CHST11: variants seen among roughly 807,000 people sequenced by gnomAD.
The protein encoded by CHST11 is carbohydrate sulfotransferase 11, also known as C4S-1.
A neutral mutation model predicts 30.4 loss-of-function variants in CHST11; 9 were observed. That is an observed-to-expected ratio of 0.30 (90% confidence interval 0.18 to 0.52). The LOEUF is 0.52. Among genes scored for constraint, CHST11 ranks in the 20% least tolerant of loss-of-function variants. CHST11 has a pLI of 0.97. For synonymous variants in CHST11, 152 were observed against 187.8 expected (o/e 0.81, Z 1.56); for missense variants, 348 against 460.6 (o/e 0.76, Z 2.24).
intron 2 of CHST11, among the ~76,000 whole-genome samples, chr12:104,696,470 C>A (rs1845402): frequency 9.0e-6 from 1 of 111,082 alleles, no homozygotes; most frequent in Non-Finnish European, 1.8e-5. Context: ...AACCCCGACT[C>A]TGCTAAAAAT....
intron 1 of CHST11, among the ~76,000 whole-genome samples, chr12:104,560,804 T>C (rs2038506061): frequency 1.3e-5 from 2 of 152,196 alleles, no homozygotes; most frequent in African/African-American, 2.4e-5. Context: ...TGTGAGCTCC[T>C]TGAGTATGGG....
intron 2 of CHST11, among the ~76,000 whole-genome samples, chr12:104,744,662 T>C (rs1364633154): frequency 2.0e-5 from 3 of 152,158 alleles, no homozygotes; most frequent in Non-Finnish European, 4.4e-5. Flanking sequence ...GGTATCTTCA[T>C]CATGAAGTCT....
intron 2 of CHST11, among the ~76,000 whole-genome samples, chr12:104,698,755 T>C (rs1198920037): frequency 6.6e-6 from 1 of 152,248 alleles, no homozygotes; most frequent in Non-Finnish European, 1.5e-5. Flanking sequence ...AGAAGATAAA[T>C]TAGTATTTCA....
chr12:104,701,180 G>A (rs183433389), intron 2 of CHST11, among the ~76,000 whole-genome samples: 1 of 152,140 alleles, frequency 6.6e-6, no homozygotes, highest in African/African-American at 2.4e-5. Context: ...TGAGTAACCG[G>A]GCCAAAGTTA....
At chr12:104,734,341 C>T (rs1158924534) in intron 2 of CHST11, among the ~76,000 whole-genome samples, 2 of 152,210 alleles carry the variant, frequency 1.3e-5, no homozygotes, top group African/African-American at 2.4e-5. Context: ...CACAGGGGCA[C>T]GATCCCTCCT....
At chr12:104,608,186 C>G (rs544046229) in intron 2 of CHST11, among the ~76,000 whole-genome samples, 29 of 152,186 alleles carry the variant, frequency 1.9e-4, no homozygotes, top group Non-Finnish European at 3.1e-4. Flanking sequence ...TTAAGCACCC[C>G]CTACTCCCTG....
intron 2 of CHST11, among the ~76,000 whole-genome samples, chr12:104,722,035 C>G (rs1445384433): frequency 6.6e-6 from 1 of 152,128 alleles, no homozygotes; most frequent in African/African-American, 2.4e-5. Flanking sequence ...GTCACCCAAG[C>G]TGGCGTGCAG....
intron 2 of CHST11, among the ~76,000 whole-genome samples, chr12:104,603,259 G>A (rs1476562061): frequency 3.3e-5 from 5 of 152,292 alleles, no homozygotes; most frequent in South Asian, 2.1e-4. Context: ...CTGGTAACCC[G>A]TGTCAAAAAC....
intron 1 of CHST11, among the ~76,000 whole-genome samples, chr12:104,470,465 A>G (rs892132026): frequency 6.6e-6 from 1 of 152,128 alleles, no homozygotes; most frequent in Non-Finnish European, 1.5e-5. Context: ...CCATGATCCA[A>G]CTAACTCCAC....
intron 1 of CHST11, among the ~76,000 whole-genome samples, chr12:104,512,394 G>A (rs2037973965): frequency 6.6e-6 from 1 of 152,206 alleles, no homozygotes; most frequent in South Asian, 2.1e-4. Flanking sequence ...GAGTGCCTGT[G>A]TTATGTCAGG....
intron 1 of CHST11, among the ~76,000 whole-genome samples, chr12:104,488,715 G>A (rs2037714422): frequency 6.8e-6 from 1 of 147,566 alleles, no homozygotes; most frequent in Non-Finnish European, 1.5e-5. Flanking sequence ...GTGTGTATGT[G>A]TGCGTGTATG....
intron 1 of CHST11, among the ~76,000 whole-genome samples, chr12:104,535,175 G>C (rs1190602809): frequency 1.3e-5 from 2 of 152,174 alleles, no homozygotes; most frequent in Non-Finnish European, 2.9e-5. Flanking sequence ...CTGCCCTTTG[G>C]AGTCTGTGAG....
intron 1 of CHST11, among the ~76,000 whole-genome samples, chr12:104,537,714 G>A (rs61940001): frequency 1.5e-5 from 1 of 66,260 alleles, no homozygotes; most frequent in African/African-American, 6.6e-5. Flanking sequence ...TTTTTTTTTG[G>A]AGACAGGGTC....
chr12:104,568,939 G>A (rs1206311960), intron 1 of CHST11, among the ~76,000 whole-genome samples: 4 of 152,110 alleles, frequency 2.6e-5, no homozygotes, highest in Non-Finnish European at 4.4e-5. Context: ...TGTATGTAGC[G>A]ACATTTATTA....
chr12:104,542,039 T>C (rs536011572), intron 1 of CHST11, among the ~76,000 whole-genome samples: 1 of 152,368 alleles, frequency 6.6e-6, no homozygotes, highest in South Asian at 2.1e-4. Flanking sequence ...TTTTAACATC[T>C]TGGATGTGTA....
At chr12:104,579,343 G>A (rs2038716323) in intron 1 of CHST11, among the ~76,000 whole-genome samples, 1 of 152,164 alleles carries the variant, frequency 6.6e-6, no homozygotes, top group South Asian at 2.1e-4. Flanking sequence ...CTTTGCTCTT[G>A]TCCCTGGACA....
intron 1 of CHST11, among the ~76,000 whole-genome samples, chr12:104,580,672 T>C (rs983280696): frequency 1.3e-5 from 2 of 152,216 alleles, no homozygotes; most frequent in African/African-American, 2.4e-5. Flanking sequence ...TTCTAGGATA[T>C]AGCTGGGCCA....
At chr12:104,544,252 A>G (rs984864346) in intron 1 of CHST11, among the ~76,000 whole-genome samples, 4 of 152,130 alleles carry the variant, frequency 2.6e-5, no homozygotes, top group Non-Finnish European at 5.9e-5. Flanking sequence ...TAAAGAAAGT[A>G]TTGGTCAACT....
intron 1 of CHST11, among the ~76,000 whole-genome samples, chr12:104,568,753 A>G (rs929507242): frequency 2.0e-5 from 3 of 152,194 alleles, no homozygotes; most frequent in African/African-American, 7.2e-5. Flanking sequence ...ACTTGACCAA[A>G]TTAACACAGT....
Sources: gnomAD v4.1 joint callset for allele counts (sites outside exome capture counted in the v4.1 genomes callset) on GRCh38, gnomAD v4.1.1 for gene constraint, MANE v1.5 for transcripts, NCBI Gene and HGNC (gene_info 2026-07-23, HGNC 2026-07-21) for gene names.